CAMKMT: variants seen among roughly 807,000 people sequenced by gnomAD.
CAMKMT encodes calmodulin-lysine N-methyltransferase.
Under a neutral mutation model 48.0 loss-of-function variants are expected in CAMKMT, and 53 were observed. That is an observed-to-expected ratio of 1.10 (90% confidence interval 0.89 to 1.39). The LOEUF (loss-of-function observed/expected upper bound fraction) is 1.39. Among genes scored for constraint, CAMKMT ranks in the 40% most tolerant of loss-of-function variants. The pLI is 0.00. For synonymous variants in CAMKMT, 165 were observed against 152.3 expected (o/e 1.08, Z -0.61); for missense variants, 428 against 402.7 (o/e 1.06, Z -0.54).
chr2:44,554,938 G>A (rs994640910), intron 3 of CAMKMT, among the ~76,000 whole-genome samples: 15 of 152,126 alleles, frequency 9.9e-5, no homozygotes, highest in Admixed American at 3.9e-4. Context: ...GATATTTAAA[G>A]CAGAATGGAT....
intron 3 of CAMKMT, among the ~76,000 whole-genome samples, chr2:44,506,076 G>A (rs1160131971): frequency 2.6e-5 from 4 of 151,890 alleles, no homozygotes; most frequent in Non-Finnish European, 2.9e-5. Context: ...GGCTGGTCTC[G>A]AACTCCTGGG....
rs1025679690 is a variant in CAMKMT at position 44,438,565 on chromosome 2, C to T, written c.376+48260C>T. Among the ~76,000 whole-genome samples, 6 of 152,128 alleles carry T rather than the reference C, an allele frequency of 3.9e-5. No homozygotes were observed. In the South Asian group the frequency reaches 8.3e-4, roughly 21 times the overall value. ...AAGTTTAGGAAACACTAGTCTGTGA[C>T]GTAAAGTTAGGCTCTTAATGCAGTA... On this transcript the variant is annotated intron_variant, in intron 3 of 10. Transcript: ENST00000378494.
intron 3 of CAMKMT, among the ~76,000 whole-genome samples, chr2:44,526,905 A>G (rs1350046738): frequency 3.9e-5 from 6 of 152,114 alleles, no homozygotes; most frequent in Admixed American, 6.5e-5. Flanking sequence ...ATACCATACA[A>G]TTAATCCCTT....
chr2:44,373,050 T>C (rs1572659242), intron 2 of CAMKMT, among the ~76,000 whole-genome samples, 162 bp downstream of exon 2: 2 of 152,216 alleles, frequency 1.3e-5, no homozygotes, highest in African/African-American at 4.8e-5. Flanking sequence ...CTATTTTAAC[T>C]GGGTCTTGCT....
chr2:44,390,462 GCCTTGTATAAGGTACA>G (rs566989143), intron 3 of CAMKMT, among the ~76,000 whole-genome samples, 157 bp downstream of exon 3: 8 of 151,016 alleles, frequency 5.3e-5, no homozygotes, highest in Non-Finnish European at 1.0e-4. Flanking sequence ...TGCAAAATAA[GCCTTGTATAAGGTACA>G]CCGACAAAAT....
At chr2:44,550,747 C>T (rs1026659703) in intron 3 of CAMKMT, 6 of 152,174 alleles carry the variant, frequency 3.9e-5, no homozygotes, top group South Asian at 4.1e-4. Context: ...GTCACTTCCT[C>T]TTTACAAGTT....
chr2:44,626,292 A>G (rs1672479855), intron 3 of CAMKMT, among the ~76,000 whole-genome samples: 2 of 152,056 alleles, frequency 1.3e-5, no homozygotes, highest in South Asian at 2.1e-4. Flanking sequence ...TTTAAATGCT[A>G]TTGTTAATGG....
At chr2:44,761,826 T>G (rs1292646080) in intron 9 of CAMKMT, among the ~76,000 whole-genome samples, 1 of 152,186 alleles carries the variant, frequency 6.6e-6, no homozygotes, top group Non-Finnish European at 1.5e-5. Context: ...GATCCTTCCC[T>G]GGGAAGGGTA....
intron 3 of CAMKMT, among the ~76,000 whole-genome samples, chr2:44,395,797 TA>T (rs1681780715): frequency 6.6e-6 from 1 of 152,172 alleles, no homozygotes; most frequent in Non-Finnish European, 1.5e-5. Flanking sequence ...GTACCTTTGT[TA>T]TTCAAAATAA....
chr2:44,688,570 A>G (rs916444510), intron 3 of CAMKMT, among the ~76,000 whole-genome samples: 1 of 151,990 alleles, frequency 6.6e-6, no homozygotes, highest in South Asian at 2.1e-4. Context: ...TGGCAAAGTG[A>G]GGTTTGTTTA....
chr2:44,695,934 A>G (rs927576245), intron 3 of CAMKMT, among the ~76,000 whole-genome samples: 7 of 151,884 alleles, frequency 4.6e-5, no homozygotes, highest in Non-Finnish European at 7.4e-5. Context: ...AAAATAACAC[A>G]AAAATTTTTA....
chr2:44,372,764 A>T lies in CAMKMT; in HGVS notation c.187A>T (p.Arg63Ter). The change falls in exon 2 of 11, where the codon AGA becomes TGA. Residue 63 changes from arginine (R) to a stop codon, truncating the protein, a stop_gained. Coordinates refer to ENST00000378494, the MANE Select transcript of CAMKMT (RefSeq NM_024766.5). LOFTEE classifies it high-confidence loss of function. The part of the protein sequence containing the change: ...LDDCLRHVSV[R>*]RFESFNLFSV... ...TGATTGCCTGCGACATGTATCTGTA[A>T]GAAGATTTGAATCATTTAATCTGTT... is the stretch of plus-strand genomic sequence containing the variant. 6.2e-7 allele frequency: 1 copy of T among 1,613,734 alleles called. No individual in the cohort carries two copies. Among genetic ancestry groups the T allele is most frequent in the Non-Finnish European group, 8.5e-7 (1 of 1,179,892 alleles).
chr2:44,686,093 C>G (rs1676317812), intron 3 of CAMKMT, among the ~76,000 whole-genome samples: 1 of 152,106 alleles, frequency 6.6e-6, no homozygotes, highest in Non-Finnish European at 1.5e-5. Context: ...AGTGACTCTT[C>G]TATTAAAAGC....
At chr2:44,735,548 A>T (rs367744618) in intron 7 of CAMKMT, among the ~76,000 whole-genome samples, 17 of 151,952 alleles carry the variant, frequency 1.1e-4, no homozygotes, top group African/African-American at 4.1e-4. Context: ...TAGATTTTAT[A>T]GTATGTATCT....
intron 3 of CAMKMT, among the ~76,000 whole-genome samples, chr2:44,423,857 T>C (rs577955684): frequency 3.3e-5 from 5 of 152,338 alleles, no homozygotes; most frequent in African/African-American, 9.6e-5. Context: ...CTTTTCTAAG[T>C]AGTCTTCTGG....
intron 3 of CAMKMT, among the ~76,000 whole-genome samples, chr2:44,432,668 C>T (rs927287059): frequency 6.6e-6 from 1 of 151,996 alleles, no homozygotes; most frequent in African/African-American, 2.4e-5. Context: ...TTTGATACTT[C>T]AGATAGAGGC....
At chr2:44,450,495 T>G (rs971639407) in intron 3 of CAMKMT, among the ~76,000 whole-genome samples, 3 of 152,196 alleles carry the variant, frequency 2.0e-5, no homozygotes, top group African/African-American at 4.8e-5. Context: ...TAAAAGGGGT[T>G]ATGAAGCATT....
At chr2:44,677,417 T>C (rs987086192) in intron 3 of CAMKMT, among the ~76,000 whole-genome samples, 2 of 152,216 alleles carry the variant, frequency 1.3e-5, no homozygotes, top group African/African-American at 2.4e-5. Flanking sequence ...AGTAAGGGCA[T>C]GCAAGCAATT....
intron 3 of CAMKMT, among the ~76,000 whole-genome samples, chr2:44,629,847 TC>T (rs1471918257): frequency 2.6e-5 from 4 of 151,924 alleles, no homozygotes; most frequent in African/African-American, 9.7e-5. Context: ...TTCAATGCCA[TC>T]CCCATCAAGC....
Sources: gnomAD v4.1 joint callset for allele counts (sites outside exome capture counted in the v4.1 genomes callset) on GRCh38, gnomAD v4.1.1 for gene constraint, MANE v1.5 for transcripts, NCBI Gene and HGNC (gene_info 2026-07-23, HGNC 2026-07-21) for gene names.